TRAPPC9: variants seen among roughly 807,000 people sequenced by gnomAD.
The protein encoded by TRAPPC9 is trafficking protein particle complex subunit 9, also known as IKK2 binding protein.
Under a neutral mutation model 124.0 loss-of-function variants are expected in TRAPPC9, and 83 were observed. The observed-to-expected ratio is 0.67, with a 90% CI of 0.56 to 0.80. The LOEUF (loss-of-function observed/expected upper bound fraction) is 0.80. Among genes scored for constraint, TRAPPC9 ranks in the 30% least tolerant of loss-of-function variants. The pLI is 0.00. For synonymous variants in TRAPPC9, 638 were observed against 617.5 expected (o/e 1.03, Z -0.49); for missense variants, 1,302 against 1,508.3 (o/e 0.86, Z 2.27).
At chr8:140,118,817 G>A (rs535075077) in intron 17 of TRAPPC9, among the ~76,000 whole-genome samples, 6 of 152,284 alleles carry the variant, frequency 3.9e-5, no homozygotes, top group Admixed American at 6.5e-5. Context: ...GCACTTGAGC[G>A]ACAGTACACA....
At chr8:140,296,347 C>A (rs567320574) in intron 11 of TRAPPC9, among the ~76,000 whole-genome samples, 1 of 152,220 alleles carries the variant, frequency 6.6e-6, no homozygotes, top group Non-Finnish European at 1.5e-5. Context: ...TCACTATAGC[C>A]TCGACCTCCC....
At chr8:140,446,631 G>A (rs1272681409) in intron 2 of TRAPPC9, among the ~76,000 whole-genome samples, 4 of 152,144 alleles carry the variant, frequency 2.6e-5, no homozygotes, top group African/African-American at 9.7e-5. Flanking sequence ...TCGGCTCACT[G>A]CAACTTCTGC....
chr8:139,782,580 G>A (rs1164119599), intron 21 of TRAPPC9, among the ~76,000 whole-genome samples: 1 of 152,178 alleles, frequency 6.6e-6, no homozygotes, highest in Non-Finnish European at 1.5e-5. Flanking sequence ...AAAATCTAAT[G>A]GAGCTGATTG....
intron 17 of TRAPPC9, among the ~76,000 whole-genome samples, chr8:140,124,035 C>T (rs762476951): frequency 7.2e-5 from 11 of 152,246 alleles, no homozygotes; most frequent in Non-Finnish European, 1.2e-4. Flanking sequence ...TCACCTTATG[C>T]TGGAGGCAAA....
chr8:139,764,209 C>T (rs553153259), intron 21 of TRAPPC9, among the ~76,000 whole-genome samples: 3 of 152,040 alleles, frequency 2.0e-5, no homozygotes, highest in East Asian at 1.9e-4. Context: ...TGGGTGTGCT[C>T]GAGAGAGCTA....
At chr8:140,233,899 G>C (rs765428720) in intron 16 of TRAPPC9, among the ~76,000 whole-genome samples, 1 of 151,882 alleles carries the variant, frequency 6.6e-6, no homozygotes, top group Admixed American at 6.6e-5. Flanking sequence ...TATACTCACA[G>C]CATCACATAT....
intron 5 of TRAPPC9, among the ~76,000 whole-genome samples, chr8:140,418,771 T>TAGGC (rs1554683677): frequency 6.9e-5 from 9 of 131,168 alleles, no homozygotes; most frequent in South Asian, 2.8e-4. Context: ...GATAGATAGA[T>TAGGC]AGACAGACAG....
chr8:139,946,710 G>A (rs543727293), intron 19 of TRAPPC9, among the ~76,000 whole-genome samples: 9 of 151,908 alleles, frequency 5.9e-5, no homozygotes, highest in South Asian at 4.2e-4. Flanking sequence ...GCCAAGAGCA[G>A]TGGCTCACGC....
intron 9 of TRAPPC9, among the ~76,000 whole-genome samples, chr8:140,352,446 T>C (rs917352928): frequency 6.6e-6 from 1 of 152,200 alleles, no homozygotes; most frequent in Non-Finnish European, 1.5e-5. Flanking sequence ...TTGGATACCA[T>C]GAGACCTGGG....
In TRAPPC9 at chr8:140,451,049, T is replaced by C. The variant is rs1300275631; in HGVS notation, c.325A>G (p.Thr109Ala). 6.2e-7 allele frequency: 1 copy of C among 1,613,960 alleles called. No homozygotes were observed. Among genetic ancestry groups the C allele is most frequent in the Non-Finnish European group, 8.5e-7 (1 of 1,180,006 alleles). ...FHVQKEIYGS[T>A]LYDSRLFVFG... Reference sequence around the variant, plus strand: ...ACAAAGAGCCGGGAGTCATACAGTGTGGAGCCGTAGATCTCCTTCTGCACG... The same window carrying C: ...ACAAAGAGCCGGGAGTCATACAGTGCGGAGCCGTAGATCTCCTTCTGCACG... The change falls in exon 2 of 23, where the codon ACA becomes GCA. Residue 109 changes from threonine to alanine, a missense_variant. Transcript: ENST00000438773.
At chr8:140,371,549 A>G (rs2068281729) in intron 7 of TRAPPC9, among the ~76,000 whole-genome samples, 1 of 152,280 alleles carries the variant, frequency 6.6e-6, no homozygotes, top group Non-Finnish European at 1.5e-5. Context: ...TTCTTAAAAC[A>G]CAAGAAGACA....
chr8:140,190,124 G>C (rs2062453729), intron 17 of TRAPPC9, among the ~76,000 whole-genome samples: 1 of 152,196 alleles, frequency 6.6e-6, no homozygotes, highest in Non-Finnish European at 1.5e-5. Context: ...AAGTGAACAA[G>C]TTACTAAAAC....
At chr8:140,179,819 G>C (rs927494676) in intron 17 of TRAPPC9, among the ~76,000 whole-genome samples, 3 of 151,848 alleles carry the variant, frequency 2.0e-5, no homozygotes, top group Non-Finnish European at 2.9e-5. Flanking sequence ...ATTACAAAAC[G>C]TCCCTCTTTA....
intron 21 of TRAPPC9, among the ~76,000 whole-genome samples, chr8:139,842,550 T>C (rs1826796931): frequency 6.6e-6 from 1 of 152,152 alleles, no homozygotes; most frequent in South Asian, 2.1e-4. Flanking sequence ...GGCAGGCGAT[T>C]CATCACATTT....
chr8:139,946,102 A>T (rs773789748), intron 19 of TRAPPC9, among the ~76,000 whole-genome samples: 1 of 152,130 alleles, frequency 6.6e-6, no homozygotes, highest in Non-Finnish European at 1.5e-5. Context: ...CCAAGGGGGG[A>T]GGTGGATATG....
intron 21 of TRAPPC9, among the ~76,000 whole-genome samples, chr8:139,866,269 G>A (rs994958698): frequency 5.3e-5 from 8 of 152,194 alleles, no homozygotes; most frequent in Admixed American, 3.9e-4. Context: ...CCACCCCCAC[G>A]TCCCATGATG....
At chr8:140,178,110 T>C (rs1169579904) in intron 17 of TRAPPC9, among the ~76,000 whole-genome samples, 1 of 152,142 alleles carries the variant, frequency 6.6e-6, no homozygotes, top group East Asian at 1.9e-4. Flanking sequence ...TCCTTTCCAA[T>C]CTGGGCACAT....
intron 21 of TRAPPC9, among the ~76,000 whole-genome samples, chr8:139,785,437 C>G (rs368090079): frequency 2.0e-5 from 3 of 152,226 alleles, no homozygotes; most frequent in African/African-American, 4.8e-5. Context: ...GTGGCTCACA[C>G]CTGTAATCCC....
chr8:140,424,455 A>G (rs1210463566), intron 5 of TRAPPC9, among the ~76,000 whole-genome samples: 1 of 151,918 alleles, frequency 6.6e-6, no homozygotes, highest in Non-Finnish European at 1.5e-5. Context: ...CAACACAGAG[A>G]GAGACTCCAT....
Sources: gnomAD v4.1 joint callset for allele counts (sites outside exome capture counted in the v4.1 genomes callset) on GRCh38, gnomAD v4.1.1 for gene constraint, MANE v1.5 for transcripts, NCBI Gene and HGNC (gene_info 2026-07-23, HGNC 2026-07-21) for gene names.